IGF1R: variants seen among roughly 807,000 people sequenced by gnomAD.
IGF1R encodes the protein insulin like growth factor 1 receptor, also known as insulin-like growth factor 1 receptor.
Under a neutral mutation model 144.6 loss-of-function variants are expected in IGF1R, and 44 were observed. That is an observed-to-expected ratio of 0.30 (90% CI 0.24 to 0.39). The LOEUF (loss-of-function observed/expected upper bound fraction) is 0.39. Ranked by LOEUF, IGF1R falls within the 10% of genes least tolerant of loss-of-function variation. The probability of loss-of-function intolerance (pLI) is 1.00; values close to 1 mark genes in which losing one functional copy is unlikely to be tolerated. For missense variants in IGF1R, 1,355 were observed against 1,833.7 expected (o/e 0.74, Z 4.77); for synonymous variants, 795 against 722.8 (o/e 1.10, Z -1.60).
At chr15:98,865,270 G>C (rs2012367646) in intron 2 of IGF1R, among the ~76,000 whole-genome samples, 1 of 152,364 alleles carries the variant, frequency 6.6e-6, no homozygotes, top group African/African-American at 2.4e-5. Flanking sequence ...AATACAGCGA[G>C]ATAGGTAAAA....
intron 1 of IGF1R, among the ~76,000 whole-genome samples, chr15:98,687,987 G>A (rs1021146240): frequency 3.3e-5 from 5 of 152,118 alleles, no homozygotes; most frequent in African/African-American, 1.2e-4. Context: ...ACTTACCTTG[G>A]GGCTTTGCTC....
At chr15:98,691,882 A>C (rs975135541) in intron 1 of IGF1R, among the ~76,000 whole-genome samples, 2 of 152,162 alleles carry the variant, frequency 1.3e-5, no homozygotes, top group African/African-American at 2.4e-5. Context: ...CAGAGGTTAT[A>C]GGCATTTGTA....
intron 2 of IGF1R, among the ~76,000 whole-genome samples, chr15:98,726,917 C>T (rs1339822957): frequency 2.0e-5 from 3 of 151,896 alleles, no homozygotes; most frequent in Admixed American, 6.6e-5. Context: ...GATGGGGTTT[C>T]ACCATGTTGG....
chr15:98,939,519 A>T (rs1254863952), intron 18 of IGF1R, among the ~76,000 whole-genome samples, 159 bp downstream of exon 18: 3 of 152,190 alleles, frequency 2.0e-5, no homozygotes, highest in African/African-American at 7.2e-5. Context: ...TGATGGTCAC[A>T]AACCTGGCAC....
chr15:98,919,751 A>T (rs1258770981), intron 10 of IGF1R, among the ~76,000 whole-genome samples: 1 of 152,184 alleles, frequency 6.6e-6, no homozygotes, highest in Non-Finnish European at 1.5e-5. Context: ...TAAGAAGTTA[A>T]TATTTGTTTT....
chr15:98,845,145 C>G (rs1034802598), intron 2 of IGF1R, among the ~76,000 whole-genome samples: 1 of 152,086 alleles, frequency 6.6e-6, no homozygotes, highest in Non-Finnish European at 1.5e-5. Flanking sequence ...TCAGTAGCAC[C>G]GAGAGTAGGG....
In IGF1R at chr15:98,648,721, C is replaced by T. The variant is rs1475998226; in HGVS notation, c.-861C>T. ...CGAGCCTGCCCACGGCCGGCGCTCG[C>T]AGACCCTCGGCCCCGCTCCCCGGAT... On this transcript the variant is annotated 5_prime_UTR_variant, in exon 1 of 21. Transcript: ENST00000650285. Among the ~76,000 whole-genome samples the T allele has an allele frequency of 3.4e-5, 5 of 147,412 alleles. No individual in the cohort carries two copies. The East Asian group carries it at 7.9e-4, about 23-fold the overall frequency.
intron 2 of IGF1R, among the ~76,000 whole-genome samples, chr15:98,717,889 A>G (rs535601396): frequency 2.8e-4 from 43 of 152,300 alleles, no homozygotes; most frequent in African/African-American, 1.0e-3. Flanking sequence ...GTAGCCAACC[A>G]TCTGCTCCAG....
At chr15:98,764,594 G>A (rs898686381) in intron 2 of IGF1R, among the ~76,000 whole-genome samples, 2 of 152,122 alleles carry the variant, frequency 1.3e-5, no homozygotes, top group African/African-American at 4.8e-5. Context: ...CATTTTCAGA[G>A]ATAATTAAAT....
intron 2 of IGF1R, among the ~76,000 whole-genome samples, chr15:98,883,510 G>C (rs1030228278): frequency 6.6e-6 from 1 of 152,212 alleles, no homozygotes; most frequent in African/African-American, 2.4e-5. Flanking sequence ...TAATACGGTG[G>C]CTCTCTCAGC....
chr15:98,949,201 C>G (rs2016676748), intron 20 of IGF1R, among the ~76,000 whole-genome samples: 1 of 152,150 alleles, frequency 6.6e-6, no homozygotes, highest in African/African-American at 2.4e-5. Context: ...AGCTTGGTGT[C>G]TTCTGAACCC....
At chr15:98,738,741 C>A (rs1284517864) in intron 2 of IGF1R, among the ~76,000 whole-genome samples, 1 of 152,108 alleles carries the variant, frequency 6.6e-6, no homozygotes, top group Non-Finnish European at 1.5e-5. Flanking sequence ...CTTGGTAATG[C>A]CCAGCATTCT....
rs1177450000 is a variant in IGF1R, at chr15:98,924,005, A to G, written c.2615A>G (p.Gln872Arg). ...ILMYEIKYGS[Q>R]VEDQRECVSR... ...ATGTATGAAATAAAATACGGATCACAAGTTGAGGTAGGACTGGGGCAGTGG... is the reference window on the plus strand; with the variant it reads ...ATGTATGAAATAAAATACGGATCACGAGTTGAGGTAGGACTGGGGCAGTGG... Residue 872 changes from glutamine to arginine, a missense_variant, in exon 12 of 21, where the codon CAA becomes CGA. Gln to Arg is a conservative substitution (Grantham distance 43). Transcript: ENST00000650285. 1.9e-6 allele frequency: 3 copies of G among 1,614,078 alleles called. No individual in the cohort carries two copies. The South Asian group carries it at 3.3e-5, about 18-fold the overall frequency.
chr15:98,734,283 A>G (rs564706294), intron 2 of IGF1R, among the ~76,000 whole-genome samples: 4 of 152,184 alleles, frequency 2.6e-5, no homozygotes, highest in South Asian at 2.1e-4. Flanking sequence ...GGACATGCCA[A>G]TGTTTTTTTC....
intron 12 of IGF1R, 32 bp downstream of exon 12, chr15:98,924,044 G>T: frequency 2.5e-6 from 4 of 1,605,938 alleles, no homozygotes; most frequent in Non-Finnish European, 3.4e-6. Flanking sequence ...GTGCCTGCAT[G>T]TACTTCCATC....
chr15:98,785,946 A>G (rs2055983801), intron 2 of IGF1R, among the ~76,000 whole-genome samples: 1 of 152,194 alleles, frequency 6.6e-6, no homozygotes, highest in Non-Finnish European at 1.5e-5. Context: ...TGAAAGAGTC[A>G]GTTGGTTGCG....
At chr15:98,883,592 A>T (rs190978886) in intron 2 of IGF1R, among the ~76,000 whole-genome samples, 1 of 152,274 alleles carries the variant, frequency 6.6e-6, no homozygotes, top group Admixed American at 6.5e-5. Context: ...TGTGTGTGAG[A>T]GGACAGAAGC....
intron 2 of IGF1R, among the ~76,000 whole-genome samples, chr15:98,744,142 C>T (rs1469815605): frequency 6.6e-6 from 1 of 151,948 alleles, no homozygotes; most frequent in Non-Finnish European, 1.5e-5. Context: ...AGTAGAAACA[C>T]ACATGAGATA....
chr15:98,833,969 G>A (rs1449699561), intron 2 of IGF1R, among the ~76,000 whole-genome samples: 1 of 152,196 alleles, frequency 6.6e-6, no homozygotes. Context: ...TTGAGTAATA[G>A]TATGGACCCT....
Sources: gnomAD v4.1 joint callset for allele counts (sites outside exome capture counted in the v4.1 genomes callset) on GRCh38, gnomAD v4.1.1 for gene constraint, MANE v1.5 for transcripts, NCBI Gene and HGNC (gene_info 2026-07-23, HGNC 2026-07-21) for gene names.